Variants in AGBL1 observed in about 807,000 individuals in gnomAD.
The protein encoded by AGBL1 is cytosolic carboxypeptidase 4.
Under a neutral mutation model 118.9 loss-of-function variants are expected in AGBL1, and 130 were observed. The ratio of observed to expected loss-of-function variants is 1.09; its 90% CI spans 0.95 to 1.26. The LOEUF is 1.26. AGBL1 is among the 50% of genes most tolerant of loss of function. The pLI, the probability that AGBL1 is intolerant of heterozygous loss-of-function variation, is 0.00. For synonymous variants in AGBL1, 555 were observed against 478.9 expected, an observed-to-expected ratio of 1.16 and a Z score of -2.08; for missense variants, 1,584 against 1,298.1, an observed-to-expected ratio of 1.22 and a Z score of -3.38.
intron 19 of AGBL1, among the ~76,000 whole-genome samples, chr15:86,525,248 T>C (rs777533013): frequency 6.6e-6 from 1 of 151,986 alleles, no homozygotes; most frequent in Non-Finnish European, 1.5e-5. Flanking sequence ...AAATCAGACA[T>C]GACACCGACA....
intron 22 of AGBL1, among the ~76,000 whole-genome samples, chr15:86,736,156 G>T (rs1462798381): frequency 6.6e-6 from 1 of 152,108 alleles, no homozygotes; most frequent in Non-Finnish European, 1.5e-5. Context: ...GCCGAGGTGG[G>T]CAGATCACGA....
At chr15:86,889,986 T>G (rs2080028132) in intron 22 of AGBL1, among the ~76,000 whole-genome samples, 1 of 152,216 alleles carries the variant, frequency 6.6e-6, no homozygotes, top group South Asian at 2.1e-4. Context: ...TCTTCCACAA[T>G]GGTTGAACTA....
chr15:86,734,591 C>T (rs1020594628), intron 22 of AGBL1, among the ~76,000 whole-genome samples: 1 of 152,122 alleles, frequency 6.6e-6, no homozygotes, highest in African/African-American at 2.4e-5. Flanking sequence ...GGTTCTCCTA[C>T]CTGCTCAGAG....
intron 22 of AGBL1, among the ~76,000 whole-genome samples, chr15:86,723,760 TTGTG>T (rs2086773399): frequency 6.6e-6 from 1 of 151,598 alleles, no homozygotes; most frequent in Non-Finnish European, 1.5e-5. Context: ...AAATGAAAAT[TTGTG>T]AGAGAGAAAA....
chr15:86,523,162 AGGT>A (rs2083212786), intron 19 of AGBL1, among the ~76,000 whole-genome samples: 1 of 152,144 alleles, frequency 6.6e-6, no homozygotes, highest in East Asian at 1.9e-4. Context: ...ACATTTCTGG[AGGT>A]GTGAGTCTGG....
intron 21 of AGBL1, among the ~76,000 whole-genome samples, chr15:86,654,493 T>G (rs2085430619): frequency 6.6e-6 from 1 of 152,186 alleles, no homozygotes; most frequent in African/African-American, 2.4e-5. Flanking sequence ...CATGGCCCTG[T>G]ATGCAATGTC....
At chr15:86,868,869 AAATAG>A (rs1454897538) in intron 22 of AGBL1, among the ~76,000 whole-genome samples, 3 of 152,210 alleles carry the variant, frequency 2.0e-5, no homozygotes, top group Non-Finnish European at 4.4e-5. Context: ...AATTGGAAAA[AAATAG>A]AATAGAAACA....
intron 22 of AGBL1, among the ~76,000 whole-genome samples, chr15:86,707,378 C>A (rs74730349): frequency 1.3e-5 from 2 of 151,528 alleles, no homozygotes; most frequent in South Asian, 4.2e-4. Context: ...ATATTACTTT[C>A]CAGTCAAGCA....
intron 19 of AGBL1, among the ~76,000 whole-genome samples, chr15:86,525,975 G>C (rs2083257107): frequency 6.6e-6 from 1 of 152,160 alleles, no homozygotes; most frequent in African/African-American, 2.4e-5. Flanking sequence ...TCTGATAAAA[G>C]ACTAATATCC....
rs375750770 is a variant in AGBL1, at chr15:86,279,788, C to T, written c.2220+5C>T. 7.4e-6 allele frequency: 12 copies of T among 1,613,380 alleles called. No individual in the cohort carries two copies. The highest frequency in any genetic ancestry group is 1.7e-5 in the Admixed American group (1 of 59,994). Reference sequence around the variant, plus strand: ...TATACCTACACAGCCCTCATGGTAACTTCCTCTTTATAGCATCACTCCAGC... The same window carrying T: ...TATACCTACACAGCCCTCATGGTAATTTCCTCTTTATAGCATCACTCCAGC... On this transcript the variant is annotated splice_donor_5th_base_variant and intron_variant, in intron 16 of 22. Transcript: ENST00000614907.
chr15:86,191,181 C>G (rs1202845008), intron 5 of AGBL1, among the ~76,000 whole-genome samples: 1 of 151,322 alleles, frequency 6.6e-6, no homozygotes, highest in Non-Finnish European at 1.5e-5. Context: ...CCCCTCCCTA[C>G]TAAAAATACA....
rs185225465 is a variant in AGBL1 at position 86,218,347 on chromosome 15, G to A, written c.489-6567G>A. 1.7e-3 allele frequency among the ~76,000 whole-genome samples: 264 copies of A among 152,300 alleles called. 3 individuals carry two copies. In the South Asian group the frequency reaches 0.044, roughly 25 times the overall value. On this transcript the variant is annotated intron_variant, in intron 5 of 22. Transcript: ENST00000614907. The stretch of plus-strand genomic sequence containing the variant: ...TATTTCCACTCTCTGAAAAGGGGAC[G>A]TCTGGGGAGGGTCAAGTCTTGGTGA...
chr15:86,732,337 C>G, intron 22 of AGBL1, among the ~76,000 whole-genome samples: 1 of 152,188 alleles, frequency 6.6e-6, no homozygotes, highest in East Asian at 1.9e-4. Context: ...CTCATATAAT[C>G]TACTCCACCA....
intron 18 of AGBL1, among the ~76,000 whole-genome samples, chr15:86,405,501 T>C (rs1203970165): frequency 6.6e-6 from 1 of 151,290 alleles, no homozygotes; most frequent in Non-Finnish European, 1.5e-5. Flanking sequence ...AGTGAGACTC[T>C]ATCTCAAAAA....
At chr15:86,886,976 A>T (rs74812349) in intron 22 of AGBL1, among the ~76,000 whole-genome samples, 1 of 152,304 alleles carries the variant, frequency 6.6e-6, no homozygotes, top group East Asian at 1.9e-4. Flanking sequence ...TCAAAGCTCT[A>T]TTAACTTAAG....
chr15:86,827,630 A>G (rs940960634), intron 22 of AGBL1, among the ~76,000 whole-genome samples: 20 of 142,996 alleles, frequency 1.4e-4, no homozygotes, highest in African/African-American at 4.9e-4. Flanking sequence ...TGGCTGTTAC[A>G]GTGAGAATGG....
intron 21 of AGBL1, among the ~76,000 whole-genome samples, chr15:86,626,884 T>C (rs1238192219): frequency 2.3e-4 from 35 of 149,638 alleles, no homozygotes; most frequent in Admixed American, 6.7e-5. Flanking sequence ...GTCCCCCAGG[T>C]TGGAGTGCAG....
intron 13 of AGBL1, among the ~76,000 whole-genome samples, chr15:86,267,936 G>C (rs2079099882): frequency 6.6e-6 from 1 of 152,184 alleles, no homozygotes; most frequent in Non-Finnish European, 1.5e-5. Context: ...AGGAGACTGA[G>C]CAAGTTTCCT....
intron 22 of AGBL1, among the ~76,000 whole-genome samples, chr15:86,680,308 A>C (rs1350756626): frequency 6.6e-6 from 1 of 152,012 alleles, no homozygotes; most frequent in Non-Finnish European, 1.5e-5. Context: ...AGCACCTTAA[A>C]AGTAGCTTTT....
Sources: allele counts gnomAD v4.1 joint callset (sites outside exome capture counted in the v4.1 genomes callset), GRCh38; gene constraint gnomAD v4.1.1; transcripts MANE v1.5; gene names NCBI Gene and HGNC (gene_info 2026-07-23, HGNC 2026-07-21).